The following CLPTM1 variants were observed in gnomAD, a reference collection of about 807,000 sequenced individuals.
The protein encoded by CLPTM1 is putative lipid scramblase CLPTM1.
CLPTM1 carries 21 observed loss-of-function variants against 77.3 expected under a neutral mutation model. The observed-to-expected ratio is 0.27, with a 90% CI of 0.19 to 0.39. The LOEUF (loss-of-function observed/expected upper bound fraction) is 0.39, where lower values mean the gene tolerates loss of function less well. Among genes scored for constraint, CLPTM1 ranks in the 10% least tolerant of loss-of-function variants. CLPTM1 has a pLI of 1.00. For synonymous variants in CLPTM1, 373 were observed against 381.0 expected (o/e 0.98, Z 0.24); for missense variants, 642 against 921.2 (o/e 0.70, Z 3.92).
intron 2 of CLPTM1, 107 bp downstream of exon 2, chr19:44,962,182 T>C: frequency 1.9e-6 from 1 of 528,196 alleles, no homozygotes; most frequent in Non-Finnish European, 3.2e-6. Context: ...TACTGTATGG[T>C]AGAGTTGCTT....
chr19:44,976,514 T>C (rs530658938), intron 4 of CLPTM1, among the ~76,000 whole-genome samples: 229 of 151,756 alleles, frequency 1.5e-3, no homozygotes, highest in African/African-American at 5.3e-3. Context: ...ATAGGGAGAG[T>C]GAGGAGAACA....
In CLPTM1 at chr19:44,973,108, C is replaced by G; in HGVS notation, c.207C>G (p.Ile69Met). Reference sequence around the variant, plus strand: ...TCAGGATCTTCATCATCTGGGCCATCAGCAGTTGGTTCCGCCGAGGGCCGG... The same window carrying G: ...TCAGGATCTTCATCATCTGGGCCATGAGCAGTTGGTTCCGCCGAGGGCCGG... ...VLFRIFIIWA[I>M]SSWFRRGPAP... The change falls in exon 3 of 14, where the codon ATC becomes ATG. Residue 69 changes from isoleucine (I) to methionine (M), a missense_variant. Coordinates refer to ENST00000337392, the MANE Select transcript of CLPTM1 (RefSeq NM_001294.4). 2.5e-6 allele frequency: 4 copies of G among 1,613,956 alleles called. No individual in the cohort carries two copies. The highest frequency in any genetic ancestry group is 3.4e-6 in the Non-Finnish European group (4 of 1,179,870).
rs200634503 is a variant in CLPTM1, at chr19:44,990,994, G to A, written c.1419+49G>A. The A allele has an allele frequency of 3.9e-4, 489 of 1,251,482 alleles. 1 individual carries two copies. The African/African-American group carries it at 6.1e-3, about 16-fold the overall frequency. The allele number at this position is 1,251,482 out of a possible 1,614,324, so 77.5% of individuals were successfully genotyped here. A position where few individuals can be genotyped will look rare whatever the true frequency, so the allele number is the denominator to read the frequency against. On this transcript the variant is annotated intron_variant, in intron 11 of 13. Coordinates refer to ENST00000337392, the MANE Select transcript of CLPTM1 (RefSeq NM_001294.4). This position sits in a 1 kb window ranked among gnomAD's most constrained non-coding sequence, Gnocchi z 4.8. ...CCTGGGGGTGGTCTCCAGGTACCAC[G>A]TATCCCTGAGGCACCCGGGGCCGGC...
chr19:44,974,691 G>T, intron 4 of CLPTM1, 94 bp downstream of exon 4: 1 of 1,457,050 alleles, frequency 6.9e-7, no homozygotes, highest in Non-Finnish European at 9.3e-7. Context: ...AGCATGTGGA[G>T]TTTGGGCTCC....
rs1326146026 is a variant in CLPTM1, at chr19:44,991,939, G to A, written c.1556-294G>A. On this transcript the variant is annotated intron_variant, in intron 12 of 13. Coordinates refer to ENST00000337392, the MANE Select transcript of CLPTM1 (RefSeq NM_001294.4). The surrounding 1 kb of genome is among the most constrained non-coding windows in gnomAD (Gnocchi z 5.4). ...AAGACCGGGTGAATCACAGCCAATA[G>A]TGAGTACTGTGAAGGGCAGAGTGGT... Among the ~76,000 whole-genome samples the A allele has an allele frequency of 1.3e-5, 2 of 152,204 alleles. No homozygotes were observed. The highest frequency in any genetic ancestry group is 3.4e-3 in the Middle Eastern group (1 of 294).
chr19:44,970,274 C>T (rs576768883), intron 2 of CLPTM1, among the ~76,000 whole-genome samples: 1 of 147,150 alleles, frequency 6.8e-6, no homozygotes, highest in South Asian at 2.1e-4. Flanking sequence ...TTGTGCAACT[C>T]CTGGGAATGG....
At chr19:44,972,970 C>A in intron 2 of CLPTM1, 117 bp from the exon 3 acceptor site, 1 of 1,423,546 alleles carries the variant, frequency 7.0e-7, no homozygotes, top group Non-Finnish European at 9.6e-7. Context: ...GCCTCCCTGA[C>A]TTGGTCACTA....
chr19:44,966,760 A>G lies in CLPTM1; in HGVS notation c.185+4685A>G, dbSNP rs937406633. Among the ~76,000 whole-genome samples the G allele has an allele frequency of 9.2e-5, 14 of 151,996 alleles. No homozygotes were observed. The East Asian group carries it at 1.4e-3, about 15-fold the overall frequency. On this transcript the variant is annotated intron_variant, in intron 2 of 13. Coordinates refer to ENST00000337392, the MANE Select transcript of CLPTM1 (RefSeq NM_001294.4). ...GCAGGAGCTGGCACGCACACAGACA[A>G]TGTTGGCCATGATTCCTTTTGTTGT...
intron 5 of CLPTM1, among the ~76,000 whole-genome samples, chr19:44,978,628 G>A (rs961816399): frequency 1.3e-5 from 2 of 151,980 alleles, no homozygotes; most frequent in African/African-American, 2.4e-5. Flanking sequence ...GCAAGTCCAC[G>A]TCTCTGAAAA....
intron 5 of CLPTM1, among the ~76,000 whole-genome samples, chr19:44,983,948 C>T (rs1045984854): frequency 3.3e-5 from 5 of 152,112 alleles, no homozygotes; most frequent in Admixed American, 2.0e-4. Flanking sequence ...GGTGACAGAG[C>T]GAGACTCTGT....
At chr19:44,975,568 T>TTTG (rs1568385444) in intron 4 of CLPTM1, among the ~76,000 whole-genome samples, 56 of 152,030 alleles carry the variant, frequency 3.7e-4, no homozygotes, top group African/African-American at 1.3e-3. Context: ...TTTTTTTTGT[T>TTTG]TTTTGTTTTT....
chr19:44,990,993 C>T lies in CLPTM1; in HGVS notation c.1419+48C>T, dbSNP rs768865324. On this transcript the variant is annotated intron_variant, in intron 11 of 13. Coordinates refer to ENST00000337392, the MANE Select transcript of CLPTM1 (RefSeq NM_001294.4). The surrounding 1 kb of genome is among the most constrained non-coding windows in gnomAD (Gnocchi z 4.8). ...CCCTGGGGGTGGTCTCCAGGTACCA[C>T]GTATCCCTGAGGCACCCGGGGCCGG... 2.6e-6 allele frequency: 3 copies of T among 1,152,138 alleles called. No individual in the cohort carries two copies. The highest frequency in any genetic ancestry group is 2.7e-5 in the South Asian group (2 of 74,972). 71.4% of individuals were successfully genotyped at this position (1,152,138 alleles called of 1,614,324 possible).
intron 2 of CLPTM1, among the ~76,000 whole-genome samples, chr19:44,966,405 A>C (rs544409123): frequency 8.8e-6 from 1 of 113,352 alleles, no homozygotes; most frequent in Non-Finnish European, 1.8e-5. Context: ...AGCGAGACAC[A>C]GTCTCAAAAA....
At chr19:44,981,793 C>T (rs1206763326) in intron 5 of CLPTM1, among the ~76,000 whole-genome samples, 1 of 151,384 alleles carries the variant, frequency 6.6e-6, no homozygotes, top group African/African-American at 2.4e-5. Flanking sequence ...TGCCTGTAAT[C>T]CCAGCTACTC....
Position 44,993,007 on chromosome 19 carries a change from G to T in CLPTM1, c.*110G>T. 5.1e-6 allele frequency: 7 copies of T among 1,361,646 alleles called. No homozygotes were observed. Among genetic ancestry groups the T allele is most frequent in the Non-Finnish European group, 7.1e-6 (7 of 984,490 alleles). The allele number at this position is 1,361,646 out of a possible 1,614,324, so 84.3% of individuals were successfully genotyped here. ...TTCCCTGGACAGATCAGGCCGGGGC[G>T]GTGGGAGGCCCGCCTCAGGTCAGGG... On this transcript the variant is annotated 3_prime_UTR_variant, in exon 14 of 14. Coordinates refer to ENST00000337392, the MANE Select transcript of CLPTM1 (RefSeq NM_001294.4).
chr19:44,957,577 G>C (rs1197683164), intron 1 of CLPTM1, among the ~76,000 whole-genome samples: 2 of 152,236 alleles, frequency 1.3e-5, no homozygotes, highest in African/African-American at 2.4e-5. Flanking sequence ...CCTAGCCCTG[G>C]TGGTCTCAGC....
intron 2 of CLPTM1, among the ~76,000 whole-genome samples, chr19:44,972,541 G>A (rs957600256): frequency 7.9e-5 from 12 of 152,172 alleles, no homozygotes; most frequent in East Asian, 1.9e-4. Context: ...GAGCCGCCGC[G>A]CCCGTCCTCG....
intron 2 of CLPTM1, among the ~76,000 whole-genome samples, chr19:44,967,657 CA>C (rs35893621): frequency 0.37 from 50,154 of 135,258 alleles, 8,673 homozygotes; most frequent in East Asian, 0.53. Flanking sequence ...AACTCTGTCC[CA>C]AAAAAAAAAA....
chr19:44,990,947 T>C lies in CLPTM1; in HGVS notation c.1419+2T>C. On this transcript the variant is annotated splice_donor_variant, in intron 11 of 13. Transcript: ENST00000337392. LOFTEE classifies it high-confidence loss of function. This position sits in a 1 kb window ranked among gnomAD's most constrained non-coding sequence, Gnocchi z 4.8. ...TCCTCGACCAAAGTGTATGATGATGTGAGTGTCCTGCACAGTGGGCCCCTG... is the reference window on the plus strand; with the variant it reads ...TCCTCGACCAAAGTGTATGATGATGCGAGTGTCCTGCACAGTGGGCCCCTG... 6.2e-7 allele frequency: 1 copy of C among 1,607,708 alleles called. No homozygotes were observed. Among genetic ancestry groups the C allele is most frequent in the Non-Finnish European group, 8.5e-7 (1 of 1,175,592 alleles).
Sources: allele counts gnomAD v4.1 joint callset (sites outside exome capture counted in the v4.1 genomes callset), GRCh38; gene constraint gnomAD v4.1.1; non-coding constraint Gnocchi (gnomAD v3.1); transcripts MANE v1.5; gene names NCBI Gene and HGNC (gene_info 2026-07-23, HGNC 2026-07-21).